The following TRIM45 variants were observed in gnomAD, a reference collection of about 807,000 sequenced individuals.
The protein encoded by TRIM45 is E3 ubiquitin-protein ligase TRIM45.
Under a neutral mutation model 46.7 loss-of-function variants are expected in TRIM45, and 45 were observed. The observed-to-expected ratio is 0.96, with a 90% CI of 0.76 to 1.24. The LOEUF (loss-of-function observed/expected upper bound fraction) is 1.24, where lower values mean the gene tolerates loss of function less well. Among genes scored for constraint, TRIM45 ranks in the 50% most tolerant of loss-of-function variants. The pLI, the probability that TRIM45 is intolerant of heterozygous loss-of-function variation, is 0.00. For missense variants in TRIM45, 680 were observed against 728.4 expected (o/e 0.93, Z 0.77); for synonymous variants, 259 against 285.8 (o/e 0.91, Z 0.94).
chr1:117,120,375 A>T (rs1194761036), intron 1 of TRIM45, among the ~76,000 whole-genome samples: 1 of 152,216 alleles, frequency 6.6e-6, no homozygotes, highest in East Asian at 1.9e-4. Flanking sequence ...ATCGAAGGAG[A>T]TCAAGAACAG....
rs760624999 is a variant in TRIM45 at position 117,116,544 on chromosome 1, A to G, written c.1352+72T>C. 2.1e-4 allele frequency: 333 copies of G among 1,578,888 alleles called. No individual in the cohort carries two copies. The highest frequency in any genetic ancestry group is 2.8e-4 in the Non-Finnish European group (327 of 1,160,506). ...ATGAGCCACTGTGCCCAGCTCCAAT[A>G]TCTTAAAGGACCTCATGTTTCCAGT... On this transcript the variant is annotated intron_variant, in intron 3 of 5. Transcript: ENST00000256649. The surrounding 1 kb of genome is among the most constrained non-coding windows in gnomAD (Gnocchi z 4.6).
chr1:117,123,667 T>G (rs1225788802), upstream of TRIM45, among the ~76,000 whole-genome samples: 5 of 151,938 alleles, frequency 3.3e-5, no homozygotes, highest in Non-Finnish European at 5.9e-5. Flanking sequence ...TTTGCTCTTG[T>G]TGCCTAGGCC....
At position 117,120,761 on chromosome 1, in the gene TRIM45, A is replaced by G; in HGVS notation, c.441T>C (p.Cys147=). The G allele has an allele frequency of 6.2e-7, 1 of 1,613,768 alleles. No individual in the cohort carries two copies. Among genetic ancestry groups the G allele is most frequent in the South Asian group, 1.1e-5 (1 of 91,058 alleles). ...GGCAGAGGTTGGCTTTGCAGGTCTG[A>G]CACCTCTTCTCTACTTCCCTGTCGT... The part of the protein sequence containing the change: ...LCNDREVEKR[C]QTCKANLCHF... The change falls in exon 1 of 6, where the codon TGT becomes TGC. Residue 147 remains cysteine, a synonymous_variant. Coordinates refer to ENST00000256649, the MANE Select transcript of TRIM45 (RefSeq NM_025188.4).
rs201860482 is a variant in TRIM45, at chr1:117,112,138, A to G, written c.*167T>C. On this transcript the variant is annotated 3_prime_UTR_variant, in exon 6 of 6. Coordinates refer to ENST00000256649, the MANE Select transcript of TRIM45 (RefSeq NM_025188.4). ...GGTGGTTTTTTGTGCTCAACCATCC[A>G]CAAGTACAATCAGTGAATAACTAAC... 5 of 713,174 alleles carry G rather than the reference A, an allele frequency of 7.0e-6. No homozygotes were observed. The East Asian group carries it at 1.6e-4, about 23-fold the overall frequency. 44.2% of individuals were successfully genotyped at this position (713,174 alleles called of 1,614,324 possible). A position where few individuals can be genotyped will look rare whatever the true frequency, so the allele number is the denominator to read the frequency against.
At chr1:117,120,609 G>A (rs137951150) in intron 1 of TRIM45, 105 bp downstream of exon 1, 7 of 1,469,716 alleles carry the variant, frequency 4.8e-6, no homozygotes, top group African/African-American at 2.8e-5. Flanking sequence ...ACCTTCCACG[G>A]TATTTGAGAA....
At position 117,113,404 on chromosome 1, in the gene TRIM45, C is replaced by T. The variant is rs34644534; in HGVS notation, c.1549G>A (p.Gly517Arg). 4.7e-4 allele frequency: 750 copies of T among 1,612,348 alleles called. 3 individuals carry two copies. In the African/African-American group the frequency reaches 8.5e-3, roughly 18 times the overall value. Residue 517 changes from glycine (G) to arginine (R), a missense_variant, in exon 5 of 6, where the codon GGG becomes AGG. Gly to Arg is a moderately radical substitution (Grantham distance 125). Around this residue, in one of 3 missense-constraint regions of TRIM45, gnomAD observed 322 missense variants for 359.3 expected, o/e 0.90. Transcript: ENST00000256649. This position sits in a 1 kb window ranked among gnomAD's most constrained non-coding sequence, Gnocchi z 4.0. The stretch of plus-strand genomic sequence containing the variant: ...GCGCAGCGAGCGGTTTTCTGGCCCC[C>T]GCTGGAGCAGAAGGTGCAGCAGTGA... ...VFHCCTFCSS[G>R]GQKTARCACG...
In TRIM45 at chr1:117,115,202, A is replaced by C. The variant is rs1394664533; in HGVS notation, c.1467+373T>G. ...AACCCTCTCAACTGTGTTCATGTCC[A>C]GACACAGTCTGGACAAAACTGGAAA... On this transcript the variant is annotated intron_variant, in intron 4 of 5. Coordinates refer to ENST00000256649, the MANE Select transcript of TRIM45 (RefSeq NM_025188.4). The surrounding 1 kb of genome is among the most constrained non-coding windows in gnomAD (Gnocchi z 4.2). 2.6e-5 allele frequency among the ~76,000 whole-genome samples: 4 copies of C among 152,188 alleles called. No individual in the cohort carries two copies. The highest frequency in any genetic ancestry group is 9.7e-5 in the African/African-American group (4 of 41,450).
chr1:117,114,531 A>C (rs1650330208), intron 4 of TRIM45, among the ~76,000 whole-genome samples: 1 of 152,242 alleles, frequency 6.6e-6, no homozygotes, highest in South Asian at 2.1e-4. Flanking sequence ...GAAAACGCAA[A>C]ACAGAGAACC....
In TRIM45 at chr1:117,115,768, T is replaced by C. The variant is rs1014706014; in HGVS notation, c.1353-79A>G. ...TGCTACTATTTCAGAATGTAAACTC[T>C]ACACCATCCCATTCAGTATTAATGT... is the stretch of plus-strand genomic sequence containing the variant. On this transcript the variant is annotated intron_variant, in intron 3 of 5. Coordinates refer to ENST00000256649, the MANE Select transcript of TRIM45 (RefSeq NM_025188.4). This position sits in a 1 kb window ranked among gnomAD's most constrained non-coding sequence, Gnocchi z 4.2. 5 of 907,872 alleles carry C rather than the reference T, an allele frequency of 5.5e-6. No individual in the cohort carries two copies. In the African/African-American group the frequency reaches 8.2e-5, roughly 15 times the overall value. 56.2% of individuals were successfully genotyped at this position (907,872 alleles called of 1,614,324 possible).
In TRIM45 at chr1:117,117,224, C is replaced by T. The variant is rs1557846998; in HGVS notation, c.1223-479G>A. On this transcript the variant is annotated intron_variant, in intron 2 of 5. Transcript: ENST00000256649. The surrounding 1 kb of genome is among the most constrained non-coding windows in gnomAD (Gnocchi z 4.9). ...TGGGGGGATATCCAGTAGCTACAGC[C>T]CCTACTCCAGCATTCAGATGAAACA... 6.6e-6 allele frequency among the ~76,000 whole-genome samples: 1 copy of T among 152,070 alleles called. No individual in the cohort carries two copies. Among genetic ancestry groups the T allele is most frequent in the Non-Finnish European group, 1.5e-5 (1 of 68,014 alleles).
Position 117,117,943 on chromosome 1 carries a change from G to A in TRIM45, c.1222+91C>T, listed in dbSNP as rs1416709870. On this transcript the variant is annotated intron_variant, in intron 2 of 5. Transcript: ENST00000256649. The surrounding 1 kb of genome is among the most constrained non-coding windows in gnomAD (Gnocchi z 4.9). ...CCACCTTTGGTAACCTGGTCAGTAG[G>A]GCATGCTTCCTAGCAGAACAAGCCA... 3.3e-6 allele frequency: 5 copies of A among 1,496,496 alleles called. No individual in the cohort carries two copies. The highest frequency in any genetic ancestry group is 2.7e-6 in the Non-Finnish European group (3 of 1,104,014). The allele number at this position is 1,496,496 out of a possible 1,614,324, so 92.7% of individuals were successfully genotyped here. A position where few individuals can be genotyped will look rare whatever the true frequency, so the allele number is the denominator to read the frequency against.
In TRIM45 at chr1:117,115,582, T is replaced by A; in HGVS notation, c.1460A>T (p.His487Leu). The change falls in exon 4 of 6, where the codon CAT (histidine) becomes CTT (leucine). Residue 487 changes from histidine (H) to leucine (L), a missense_variant. His to Leu is a moderately conservative substitution (Grantham distance 99). Coordinates refer to ENST00000256649, the MANE Select transcript of TRIM45 (RefSeq NM_025188.4). This position sits in a 1 kb window ranked among gnomAD's most constrained non-coding sequence, Gnocchi z 4.2. Reference protein sequence around the residue: ...YTVWVCIKEQHVQGSPFTVMV... With the variant: ...YTVWVCIKEQLVQGSPFTVMV... Reference sequence around the variant, plus strand: ...CACGTGCACCAGTCTTACCTGCACATGCTGTTCTTTGATGCAGACCCACAC... The same window carrying A: ...CACGTGCACCAGTCTTACCTGCACAAGCTGTTCTTTGATGCAGACCCACAC... 6.2e-7 allele frequency: 1 copy of A among 1,613,530 alleles called. No individual in the cohort carries two copies. The highest frequency in any genetic ancestry group is 1.1e-5 in the South Asian group (1 of 91,064).
chr1:117,116,756 T>TA lies in TRIM45; in HGVS notation c.1223-12dup. ...GGGCTCTGTGGAGGTCTGAAAAAGA[T>TA]AAACACTCGGTCCTCACCTCGAATG... On this transcript the variant is annotated splice_polypyrimidine_tract_variant and intron_variant, in intron 2 of 5. Transcript: ENST00000256649. The surrounding 1 kb of genome is among the most constrained non-coding windows in gnomAD (Gnocchi z 4.6). The TA allele has an allele frequency of 6.2e-7, 1 of 1,613,958 alleles. No individual in the cohort carries two copies.
rs1350149927 is a variant in TRIM45, at chr1:117,113,976, T to A, written c.1468-491A>T. 6.6e-6 allele frequency among the ~76,000 whole-genome samples: 1 copy of A among 152,232 alleles called. No individual in the cohort carries two copies. Among genetic ancestry groups the A allele is most frequent in the Non-Finnish European group, 1.5e-5 (1 of 68,048 alleles). ...ATTCAATACATTAGTAATCTCAGAC[T>A]GACTTTTCTCTGGGATTCTCAATCT... On this transcript the variant is annotated intron_variant, in intron 4 of 5. Transcript: ENST00000256649. The surrounding 1 kb of genome is among the most constrained non-coding windows in gnomAD (Gnocchi z 4.0).
chr1:117,113,445 G>T lies in TRIM45; in HGVS notation c.1508C>A (p.Pro503Gln), dbSNP rs779276549. The T allele has an allele frequency of 2.5e-6, 4 of 1,612,798 alleles. No individual in the cohort carries two copies. In the Admixed American group the frequency reaches 5.0e-5, roughly 20 times the overall value. The stretch of plus-strand genomic sequence containing the variant: ...GCAGCAGTGAAACACGCCTGAGTGT[G>T]GGCGGTGCTTTCTCCTCACCATCAC... ...FTVMVRRKHRPHSGVFHCCTF... is the reference protein window; with the variant it reads ...FTVMVRRKHRQHSGVFHCCTF... Residue 503 changes from proline to glutamine, a missense_variant, in exon 5 of 6, where the codon CCA becomes CAA. Pro to Gln is a moderately conservative substitution (Grantham distance 76). This residue lies in a region of TRIM45 where 322 missense variants were observed against 359.3 expected (regional missense o/e 0.90). Transcript: ENST00000256649. This position sits in a 1 kb window ranked among gnomAD's most constrained non-coding sequence, Gnocchi z 4.0.
In TRIM45 at chr1:117,121,037, C is replaced by G; in HGVS notation, c.165G>C (p.Gln55His). 6.2e-7 allele frequency: 1 copy of G among 1,614,204 alleles called. No homozygotes were observed. The highest frequency in any genetic ancestry group is 1.3e-5 in the African/African-American group (1 of 75,044). The change falls in exon 1 of 6, where the codon CAG becomes CAC. Residue 55 changes from glutamine (Q) to histidine (H), a missense_variant. Around this residue, in one of 3 missense-constraint regions of TRIM45, gnomAD observed 349 missense variants for 343.6 expected, o/e 1.02. Coordinates refer to ENST00000256649, the MANE Select transcript of TRIM45 (RefSeq NM_025188.4). The surrounding 1 kb of genome is among the most constrained non-coding windows in gnomAD (Gnocchi z 4.2). ...TGTCCACTACTGAGAAGGGCTCCAG[C>G]TGCTCCAGACACGTGGTGCAAACTG... ...LHTVCTTCLE[Q>H]LEPFSVVDIR...
intron 1 of TRIM45, among the ~76,000 whole-genome samples, chr1:117,119,040 T>C (rs557146262): frequency 1.3e-5 from 2 of 152,244 alleles, no homozygotes; most frequent in African/African-American, 4.8e-5. Context: ...TGCAAGACTA[T>C]GACTGCATGC....
intron 1 of TRIM45, among the ~76,000 whole-genome samples, chr1:117,119,791 G>A (rs1014333119): frequency 2.6e-5 from 4 of 152,114 alleles, no homozygotes; most frequent in Non-Finnish European, 4.4e-5. Context: ...GCCTATTCTG[G>A]CACCAGAAGA....
chr1:117,121,956 T>C, upstream of TRIM45: 3 of 637,254 alleles, frequency 4.7e-6, no homozygotes, highest in Non-Finnish European at 8.6e-6. The surrounding 1 kb of genome is among the most constrained non-coding windows in gnomAD (Gnocchi z 4.2). Flanking sequence ...CCGAAGGGCT[T>C]AGAGTGCGGC....
Sources: gnomAD v4.1 joint callset for allele counts (sites outside exome capture counted in the v4.1 genomes callset) on GRCh38, gnomAD v4.1.1 for gene constraint, gnomAD v4.1.1 regional missense constraint, Gnocchi (gnomAD v3.1) non-coding constraint, MANE v1.5 for transcripts, NCBI Gene and HGNC (gene_info 2026-07-23, HGNC 2026-07-21) for gene names.